The following LINGO2 variants were observed in gnomAD, a reference collection of about 807,000 sequenced individuals.
LINGO2 encodes the protein leucine rich repeat and Ig domain containing 2.
A neutral mutation model predicts 30.6 loss-of-function variants in LINGO2; 14 were observed. The observed-to-expected ratio is 0.46, with a 90% CI of 0.30 to 0.72. The LOEUF is 0.72. Among genes scored for constraint, LINGO2 ranks in the 30% least tolerant of loss-of-function variants. The probability of loss-of-function intolerance (pLI) is 0.07; values close to 1 mark genes in which losing one functional copy is unlikely to be tolerated. For synonymous variants in LINGO2, 317 were observed against 288.5 expected, an observed-to-expected ratio of 1.10 and a Z score of -1.00; for missense variants, 729 against 751.7, an observed-to-expected ratio of 0.97 and a Z score of 0.35.
At chr9:28,414,383 C>T (rs1822890384) in intron 2 of LINGO2, among the ~76,000 whole-genome samples, 1 of 151,946 alleles carries the variant, frequency 6.6e-6, no homozygotes, top group African/African-American at 2.4e-5. Context: ...TTGTTAAATA[C>T]ACATAAATGG....
the LINGO2 span, among the ~76,000 whole-genome samples, chr9:28,868,239 T>A: frequency 6.6e-6 from 1 of 152,086 alleles, no homozygotes; most frequent in Admixed American, 6.6e-5. Context: ...TAAGTCCTCA[T>A]TGATGACATT....
At chr9:28,367,664 T>C (rs1308817564) in intron 3 of LINGO2, among the ~76,000 whole-genome samples, 1 of 152,082 alleles carries the variant, frequency 6.6e-6, no homozygotes, top group African/African-American at 2.4e-5. Flanking sequence ...CTTTCTTCTC[T>C]CTCTGGAAGC....
At chr9:28,864,893 G>A in the LINGO2 span, among the ~76,000 whole-genome samples, 1 of 152,084 alleles carries the variant, frequency 6.6e-6, no homozygotes, top group African/African-American at 2.4e-5. Context: ...AAAACTCCAG[G>A]TTTCAAGAAA....
intron 3 of LINGO2, among the ~76,000 whole-genome samples, chr9:28,349,079 A>G (rs1452984382): frequency 5.3e-5 from 8 of 151,742 alleles, no homozygotes; most frequent in African/African-American, 1.2e-4. Flanking sequence ...GGAAACTCTA[A>G]AAAGCAGAGC....
chr9:28,351,327 G>T (rs1284424588), intron 3 of LINGO2, among the ~76,000 whole-genome samples: 2 of 142,914 alleles, frequency 1.4e-5, no homozygotes, highest in African/African-American at 5.1e-5. Context: ...TATCACCACC[G>T]ATCCCACAGA....
chr9:28,564,539 T>C (rs1823266032), intron 1 of LINGO2, among the ~76,000 whole-genome samples: 1 of 152,144 alleles, frequency 6.6e-6, no homozygotes, highest in Non-Finnish European at 1.5e-5. Context: ...AGGAATCTAC[T>C]AAGAGCACTG....
At chr9:28,760,981 C>A in the LINGO2 span, among the ~76,000 whole-genome samples, 1 of 151,526 alleles carries the variant, frequency 6.6e-6, no homozygotes, top group African/African-American at 2.4e-5. Context: ...CACCCCACCA[C>A]CCCACAGTTT....
At position 28,657,148 on chromosome 9, in the gene LINGO2, T is replaced by G. The variant is rs1287809259; in HGVS notation, c.-365+13052A>C. 3.9e-5 allele frequency among the ~76,000 whole-genome samples: 6 copies of G among 152,122 alleles called. No individual in the cohort carries two copies. In the East Asian group the frequency reaches 1.2e-3, roughly 29 times the overall value. ...AAAATGTGAGATAAGTGTTTTGTTT[T>G]GTTCGAGTTGTTTTTTATTTCTTTA... is the stretch of plus-strand genomic sequence containing the variant. On this transcript the variant is annotated intron_variant, in intron 1 of 5. Transcript: ENST00000379992.
intron 1 of LINGO2, among the ~76,000 whole-genome samples, chr9:28,646,597 A>G (rs890690371): frequency 5.3e-5 from 8 of 152,160 alleles, no homozygotes; most frequent in African/African-American, 1.9e-4. Context: ...AGATTGATCC[A>G]TATGATCTGG....
the LINGO2 span, among the ~76,000 whole-genome samples, chr9:28,879,746 A>C: frequency 6.6e-6 from 1 of 152,136 alleles, no homozygotes; most frequent in African/African-American, 2.4e-5. Context: ...TAACATCACC[A>C]CTGTGAGTAG....
chr9:28,445,305 A>G (rs920008180), intron 2 of LINGO2, among the ~76,000 whole-genome samples: 3 of 152,122 alleles, frequency 2.0e-5, no homozygotes, highest in African/African-American at 4.8e-5. Context: ...TGTTCCTCAC[A>G]TTGTCCCAAA....
chr9:28,343,572 T>G (rs1819448162), intron 3 of LINGO2, among the ~76,000 whole-genome samples: 1 of 152,144 alleles, frequency 6.6e-6, no homozygotes, highest in African/African-American at 2.4e-5. Context: ...AGATGAAAAT[T>G]TAAACTCAGC....
chr9:28,075,036 G>A (rs188521355), intron 4 of LINGO2, among the ~76,000 whole-genome samples: 115 of 151,708 alleles, frequency 7.6e-4, no homozygotes, highest in Non-Finnish European at 1.4e-3. Context: ...GAAATAGGGT[G>A]TTTTCTACAT....
the LINGO2 span, among the ~76,000 whole-genome samples, chr9:29,213,479 T>C: frequency 1.3e-5 from 2 of 151,948 alleles, no homozygotes; most frequent in African/African-American, 4.8e-5. Context: ...GGTGCGGGGC[T>C]GGGCGGGCGG....
In LINGO2 at chr9:28,003,489, C is replaced by T. The variant is rs28535025; in HGVS notation, c.-36+8866G>A. On this transcript the variant is annotated intron_variant, in intron 5 of 5. Transcript: ENST00000379992. ...TTCAATGATTTTTGAGATGGAGTCT[C>T]GCTGTGTTGCCCAGGCTGGAGTACA... Among the ~76,000 whole-genome samples the T allele has an allele frequency of 9.4e-3, 1,423 of 152,128 alleles. 22 individuals are homozygous for T. The highest frequency in any genetic ancestry group is 0.033 in the African/African-American group (1,355 of 41,486).
rs72304845 is a variant in LINGO2 at position 28,312,155 on chromosome 9, C to CTTTTT, written c.-245-16794_-245-16790dup. ...AGATGTTTTAGATGTTTTCTTTTTT[C>CTTTTT]TTTTTTTTGTATCCAGATACCAATA... On this transcript the variant is annotated intron_variant, in intron 3 of 5. Coordinates refer to ENST00000379992, the Ensembl canonical transcript of LINGO2. Among the ~76,000 whole-genome samples the CTTTTT allele has an allele frequency of 2.8e-4, 40 of 143,228 alleles. 3 individuals carry two copies. Among genetic ancestry groups the CTTTTT allele is most frequent in the Middle Eastern group, 3.6e-3 (1 of 280 alleles). 94.0% of individuals were successfully genotyped at this position (143,228 alleles called of 152,430 possible). A position where few individuals can be genotyped will look rare whatever the true frequency, so the allele number is the denominator to read the frequency against.
chr9:28,670,744 C>G (rs1375498358), upstream of LINGO2, among the ~76,000 whole-genome samples: 2 of 151,908 alleles, frequency 1.3e-5, no homozygotes, highest in Non-Finnish European at 2.9e-5. Flanking sequence ...CAGGGAAGAG[C>G]CATAAAATGT....
chr9:28,847,411 T>C, the LINGO2 span, among the ~76,000 whole-genome samples: 1 of 147,258 alleles, frequency 6.8e-6, no homozygotes, highest in South Asian at 2.1e-4. Context: ...AATCACAGGG[T>C]TTAATTTATG....
At chr9:28,821,711 T>C in the LINGO2 span, among the ~76,000 whole-genome samples, 2 of 152,158 alleles carry the variant, frequency 1.3e-5, no homozygotes, top group African/African-American at 4.8e-5. Flanking sequence ...AAAGAAACCA[T>C]GTGTGGGATA....
Sources: gnomAD v4.1 joint callset for allele counts (sites outside exome capture counted in the v4.1 genomes callset) on GRCh38, gnomAD v4.1.1 for gene constraint, MANE v1.5 for transcripts, NCBI Gene and HGNC (gene_info 2026-07-23, HGNC 2026-07-21) for gene names.